TLK2: variants seen among roughly 807,000 people sequenced by gnomAD.
The protein encoded by TLK2 is serine/threonine-protein kinase tousled-like 2.
Under a neutral mutation model 117.3 loss-of-function variants are expected in TLK2, and 6 were observed. That is an observed-to-expected ratio of 0.05 (90% CI 0.03 to 0.10). The LOEUF (loss-of-function observed/expected upper bound fraction) is 0.10. Ranked by LOEUF, TLK2 falls within the 10% of genes least tolerant of loss-of-function variation. The probability of loss-of-function intolerance (pLI) is 1.00; values close to 1 mark genes in which losing one functional copy is unlikely to be tolerated. For missense variants in TLK2, 299 were observed against 901.2 expected (o/e 0.33, Z 8.56); for synonymous variants, 257 against 316.7 (o/e 0.81, Z 2.00).
At chr17:62,606,663 G>A (rs1355751852) in intron 20 of TLK2, among the ~76,000 whole-genome samples, 1 of 152,168 alleles carries the variant, frequency 6.6e-6, no homozygotes, top group Non-Finnish European at 1.5e-5. Flanking sequence ...TATTATTAAT[G>A]AAAGCGTGCT....
chr17:62,544,888 C>T (rs946088556), intron 7 of TLK2, among the ~76,000 whole-genome samples: 7 of 152,184 alleles, frequency 4.6e-5, no homozygotes, highest in Non-Finnish European at 1.0e-4. Flanking sequence ...TGTTTTGCAA[C>T]TTGCAATATA....
intron 9 of TLK2, among the ~76,000 whole-genome samples, chr17:62,558,145 G>T (rs1157929744): frequency 6.6e-6 from 1 of 151,514 alleles, no homozygotes; most frequent in Non-Finnish European, 1.5e-5. Context: ...GGAGCTACTA[G>T]CCAGCTGCTT....
intron 6 of TLK2, among the ~76,000 whole-genome samples, chr17:62,530,273 G>GAAAC (rs140690874): frequency 9.7e-4 from 147 of 151,798 alleles, no homozygotes; most frequent in South Asian, 3.3e-3. Flanking sequence ...GACTGTCTCA[G>GAAAC]AAACAAACAA....
Position 62,614,954 on chromosome 17 carries a change from T to A in TLK2, c.*2389T>A, listed in dbSNP as rs2084022884. ...TCCAATGATCTTGCAGTTGATTTGT[T>A]TGTTTTTTAATTTTTTAACATTTTT... On this transcript the variant is annotated 3_prime_UTR_variant, in exon 22 of 22. Transcript: ENST00000346027. 6.6e-6 allele frequency: 1 copy of A among 152,192 alleles called. No homozygotes were observed. Among genetic ancestry groups the A allele is most frequent in the Non-Finnish European group, 1.5e-5 (1 of 68,042 alleles). The allele number at this position is 152,192 out of a possible 1,614,324, so 9.4% of individuals were successfully genotyped here.
At chr17:62,491,116 G>A (rs1437393587) in intron 2 of TLK2, among the ~76,000 whole-genome samples, 1 of 152,040 alleles carries the variant, frequency 6.6e-6, no homozygotes, top group East Asian at 1.9e-4. Context: ...TCATTGCTTT[G>A]CAGTCAATAA....
intron 11 of TLK2, among the ~76,000 whole-genome samples, chr17:62,570,406 A>C (rs1320913711): frequency 6.6e-6 from 1 of 152,186 alleles, no homozygotes; most frequent in African/African-American, 2.4e-5. Context: ...GATGCTATAC[A>C]AGAAATATTT....
intron 17 of TLK2, 114 bp downstream of exon 17, chr17:62,596,788 A>G (rs1192000934): frequency 1.3e-6 from 1 of 794,934 alleles, no homozygotes; most frequent in Non-Finnish European, 2.0e-6. Context: ...GGAACCAAGT[A>G]ATTTGTGACA....
Position 62,586,156 on chromosome 17 carries a change from A to C in TLK2, c.1390A>C (p.Arg464=). 1.2e-6 allele frequency: 2 copies of C among 1,613,588 alleles called. No homozygotes were observed. Among genetic ancestry groups the C allele is most frequent in the East Asian group, 4.5e-5 (2 of 44,824 alleles). The change falls in exon 16 of 22, where the codon AGA becomes CGA. Residue 464 remains arginine, a synonymous_variant. Coordinates refer to ENST00000346027, the MANE Select transcript of TLK2 (RefSeq NM_006852.6). ...VYKAFDLTEQ[R]YVAVKIHQLN... ...ATAGGCATTTGATCTAACAGAGCAAAGATACGTAGCTGTGAAAATTCACCA... is the reference window on the plus strand; with the variant it reads ...ATAGGCATTTGATCTAACAGAGCAACGATACGTAGCTGTGAAAATTCACCA...
intron 15 of TLK2, 131 bp from the exon 16 acceptor site, chr17:62,586,004 A>G (rs1410297552): frequency 1.6e-6 from 1 of 630,928 alleles, no homozygotes; most frequent in Admixed American, 3.0e-5. Context: ...TGCAACACTG[A>G]TATAAGTATG....
At chr17:62,520,514 T>C (rs1216578902) in intron 2 of TLK2, among the ~76,000 whole-genome samples, 1 of 151,116 alleles carries the variant, frequency 6.6e-6, no homozygotes, top group Non-Finnish European at 1.5e-5. Flanking sequence ...CCATCTCTAC[T>C]AAAAATACAA....
intron 16 of TLK2, among the ~76,000 whole-genome samples, chr17:62,589,777 T>A (rs1029485850): frequency 3.3e-5 from 5 of 152,176 alleles, no homozygotes; most frequent in Non-Finnish European, 5.9e-5. Context: ...AACAGTGATC[T>A]GTTTAGTCCC....
intron 15 of TLK2, among the ~76,000 whole-genome samples, chr17:62,583,618 A>C (rs1370069935): frequency 6.6e-6 from 1 of 152,042 alleles, no homozygotes; most frequent in African/African-American, 2.4e-5. Context: ...TCTGTCGTCC[A>C]GGCTGTAGTG....
rs1482554578 is a variant in TLK2, at chr17:62,479,045, C to T, written c.-251C>T. 6.7e-6 allele frequency: 1 copy of T among 150,064 alleles called. No individual in the cohort carries two copies. 9.3% of individuals were successfully genotyped at this position (150,064 alleles called of 1,614,324 possible). A position where few individuals can be genotyped will look rare whatever the true frequency, so the allele number is the denominator to read the frequency against. On this transcript the variant is annotated 5_prime_UTR_variant, in exon 1 of 22. Transcript: ENST00000346027. Reference sequence around the variant, plus strand: ...CCCCCGCGGCCGCCCGGGCCCGGGCCCGCGTCGGGCGCCTGGCTCTGTACG... The same window carrying T: ...CCCCCGCGGCCGCCCGGGCCCGGGCTCGCGTCGGGCGCCTGGCTCTGTACG...
At chr17:62,527,549 G>A (rs2076450736) in intron 6 of TLK2, among the ~76,000 whole-genome samples, 1 of 151,656 alleles carries the variant, frequency 6.6e-6, no homozygotes, top group Non-Finnish European at 1.5e-5. Flanking sequence ...TTTGTATCTT[G>A]TGTAAAAGAC....
chr17:62,567,125 G>A (rs2079858488), intron 11 of TLK2, among the ~76,000 whole-genome samples: 1 of 152,142 alleles, frequency 6.6e-6, no homozygotes, highest in African/African-American at 2.4e-5. Context: ...CTACTTGGGA[G>A]GCTGAGGTGG....
intron 11 of TLK2, 33 bp from the exon 12 acceptor site, chr17:62,573,182 T>C: frequency 6.3e-7 from 1 of 1,583,366 alleles, no homozygotes; most frequent in Non-Finnish European, 8.6e-7. Flanking sequence ...CTTTTGACTT[T>C]CTTTCTTTGT....
At chr17:62,582,210 A>C (rs565280513) in intron 15 of TLK2, among the ~76,000 whole-genome samples, 1 of 152,170 alleles carries the variant, frequency 6.6e-6, no homozygotes, top group East Asian at 1.9e-4. Flanking sequence ...CAGTTTTGGT[A>C]ATTTAATTTT....
rs559613456 is a variant in TLK2, at chr17:62,556,906, C to T, written c.721-3110C>T. 1.1e-4 allele frequency among the ~76,000 whole-genome samples: 17 copies of T among 152,212 alleles called. No homozygotes were observed. The South Asian group carries it at 1.5e-3, about 13-fold the overall frequency. On this transcript the variant is annotated intron_variant, in intron 9 of 21. Coordinates refer to ENST00000346027, the MANE Select transcript of TLK2 (RefSeq NM_006852.6). The stretch of plus-strand genomic sequence containing the variant: ...TATATTTCTGGCATTTACTGCAGCT[C>T]GTGTGAATTTTGATTTTATTGTTTA...
intron 2 of TLK2, among the ~76,000 whole-genome samples, chr17:62,511,524 C>A (rs568232945): frequency 6.6e-6 from 1 of 152,254 alleles, no homozygotes; most frequent in East Asian, 1.9e-4. Context: ...GTACACACCA[C>A]CACGCTAGCT....
Sources: allele counts gnomAD v4.1 joint callset (sites outside exome capture counted in the v4.1 genomes callset), GRCh38; gene constraint gnomAD v4.1.1; transcripts MANE v1.5; gene names NCBI Gene and HGNC (gene_info 2026-07-23, HGNC 2026-07-21).